PRKG1: variants seen among roughly 807,000 people sequenced by gnomAD.
The protein encoded by PRKG1 is cGMP-dependent protein kinase 1.
Under a neutral mutation model 88.1 loss-of-function variants are expected in PRKG1, and 35 were observed. That is an observed-to-expected ratio of 0.40 (90% CI 0.30 to 0.53). PRKG1 has a LOEUF of 0.53. Among genes scored for constraint, PRKG1 ranks in the 20% least tolerant of loss-of-function variants. The pLI is 0.59. For synonymous variants in PRKG1, 303 were observed against 292.5 expected, an observed-to-expected ratio of 1.04 and a Z score of -0.37; for missense variants, 540 against 839.8, an observed-to-expected ratio of 0.64 and a Z score of 4.41.
rs531783952 is a variant in PRKG1, at chr10:51,055,127, C to T, written c.266+63483C>T. Among the ~76,000 whole-genome samples the T allele has an allele frequency of 3.8e-4, 58 of 152,194 alleles. No homozygotes were observed. The South Asian group carries it at 0.012, about 30-fold the overall frequency. On this transcript the variant is annotated intron_variant, in intron 1 of 17. Coordinates refer to the PRKG1 transcript ENST00000401604. ...CATGAGTGGGATGCTTTATTGGCTA[C>T]TTTGTCTGATTTAGAAGGATCTCAG...
intron 2 of PRKG1, among the ~76,000 whole-genome samples, chr10:51,397,175 G>A (rs913460572): frequency 6.9e-6 from 1 of 144,966 alleles, no homozygotes; most frequent in Non-Finnish European, 1.5e-5. Context: ...CTCTGGGTGA[G>A]TGCTTCACTT....
intron 1 of PRKG1, among the ~76,000 whole-genome samples, chr10:51,002,095 T>C (rs971134451): frequency 1.1e-4 from 16 of 151,816 alleles, no homozygotes; most frequent in African/African-American, 3.4e-4. Context: ...CTCTGGGAAA[T>C]TCCTAAAACC....
chr10:51,423,020 C>G lies in PRKG1; in HGVS notation c.479-44703C>G, dbSNP rs1417758462. 2.0e-5 allele frequency among the ~76,000 whole-genome samples: 3 copies of G among 151,380 alleles called. No homozygotes were observed. In the East Asian group the frequency reaches 5.8e-4, roughly 29 times the overall value. ...GCTAACCCTAAAAACACCAATGTAC[C>G]GGTTCCTTACTTATAGAAGCCAAAT... On this transcript the variant is annotated intron_variant, in intron 2 of 17. Transcript: ENST00000373980.
At chr10:52,247,190 T>C (rs947546488) in intron 9 of PRKG1, among the ~76,000 whole-genome samples, 17 of 152,138 alleles carry the variant, frequency 1.1e-4, no homozygotes, top group Non-Finnish European at 2.4e-4. Flanking sequence ...AATAATTTTT[T>C]TAAAAAATCA....
At chr10:51,702,044 C>G (rs1372598151) in intron 3 of PRKG1, among the ~76,000 whole-genome samples, 2 of 152,166 alleles carry the variant, frequency 1.3e-5, no homozygotes, top group Non-Finnish European at 2.9e-5. Flanking sequence ...ATTTGGTACA[C>G]TCTATTAAAA....
intron 2 of PRKG1, among the ~76,000 whole-genome samples, chr10:51,288,522 A>G (rs988526704): frequency 6.6e-6 from 1 of 152,208 alleles, no homozygotes; most frequent in African/African-American, 2.4e-5. Context: ...TTATGGACCC[A>G]CAGTCATCAA....
At chr10:51,707,183 C>T (rs1391551806) in intron 3 of PRKG1, among the ~76,000 whole-genome samples, 3 of 152,150 alleles carry the variant, frequency 2.0e-5, no homozygotes, top group African/African-American at 7.2e-5. Flanking sequence ...TCTTGGTGCA[C>T]ATTAGGTTCT....
intron 5 of PRKG1, among the ~76,000 whole-genome samples, chr10:51,965,015 G>A (rs1211891967): frequency 1.3e-5 from 2 of 152,092 alleles, no homozygotes; most frequent in African/African-American, 4.8e-5. Flanking sequence ...CATGAATATA[G>A]GCATTGAAAT....
chr10:51,345,466 G>C (rs1299999009), intron 2 of PRKG1, among the ~76,000 whole-genome samples: 2 of 151,986 alleles, frequency 1.3e-5, no homozygotes, highest in South Asian at 2.1e-4. Flanking sequence ...TCCCAGACTA[G>C]AGCAAAACCA....
chr10:51,914,933 A>T (rs1457665284), intron 5 of PRKG1, among the ~76,000 whole-genome samples: 2 of 152,228 alleles, frequency 1.3e-5, no homozygotes, highest in Non-Finnish European at 2.9e-5. Context: ...ATAGGCAAAG[A>T]GAGAAAACAT....
chr10:51,345,728 C>A (rs1842099195), intron 2 of PRKG1, among the ~76,000 whole-genome samples: 1 of 152,068 alleles, frequency 6.6e-6, no homozygotes, highest in Non-Finnish European at 1.5e-5. Context: ...TTTATTTGTT[C>A]ATTTTTCATT....
rs544664656 is a variant in PRKG1, at chr10:52,006,291, G to A, written c.763-48193G>A. Reference sequence around the variant, plus strand: ...GGTTCTCAACAAGGCTGAAATGGCCGAAGTGACAGAAATAGAATACAGAAT... The same window carrying A: ...GGTTCTCAACAAGGCTGAAATGGCCAAAGTGACAGAAATAGAATACAGAAT... On this transcript the variant is annotated intron_variant, in intron 5 of 17. Transcript: ENST00000373980. 9.2e-5 allele frequency among the ~76,000 whole-genome samples: 14 copies of A among 152,212 alleles called. No individual in the cohort carries two copies. The South Asian group carries it at 1.0e-3, about 11-fold the overall frequency.
At chr10:51,676,999 C>T (rs1449779241) in intron 3 of PRKG1, among the ~76,000 whole-genome samples, 1 of 152,134 alleles carries the variant, frequency 6.6e-6, no homozygotes, top group East Asian at 1.9e-4. Context: ...AAGTCCCACC[C>T]ATTTCAAGCC....
intron 3 of PRKG1, among the ~76,000 whole-genome samples, chr10:51,723,389 A>G (rs776647498): frequency 2.0e-5 from 3 of 152,302 alleles, no homozygotes; most frequent in Middle Eastern, 3.4e-3. Context: ...ACCAAACACC[A>G]CATGTTCTCA....
intron 3 of PRKG1, among the ~76,000 whole-genome samples, chr10:51,577,117 T>C (rs1056983557): frequency 6.6e-6 from 1 of 152,050 alleles, no homozygotes; most frequent in Admixed American, 6.6e-5. Context: ...TGGATTCATA[T>C]TGCTGTGAAA....
intron 3 of PRKG1, among the ~76,000 whole-genome samples, chr10:51,778,298 C>T (rs1045574762): frequency 8.5e-5 from 13 of 152,062 alleles, no homozygotes; most frequent in East Asian, 3.9e-4. Flanking sequence ...GTTCTGAGAA[C>T]GTAGAAATGT....
At chr10:52,269,305 A>C (rs1841657452) in intron 10 of PRKG1, among the ~76,000 whole-genome samples, 1 of 151,940 alleles carries the variant, frequency 6.6e-6, no homozygotes, top group African/African-American at 2.4e-5. Flanking sequence ...TTGGTGTTTT[A>C]TTTTGAGTTA....
intron 2 of PRKG1, among the ~76,000 whole-genome samples, chr10:51,211,205 C>T (rs371005376): frequency 3.9e-5 from 6 of 151,902 alleles, no homozygotes; most frequent in African/African-American, 9.7e-5. Flanking sequence ...ACAGAACCAA[C>T]GACAAAAACC....
intron 3 of PRKG1, among the ~76,000 whole-genome samples, chr10:51,718,579 GAATA>G (rs1841939876): frequency 2.0e-5 from 3 of 152,088 alleles, no homozygotes; most frequent in South Asian, 2.1e-4. Context: ...GCATGTTATA[GAATA>G]AATATTCATG....
Sources: allele counts gnomAD v4.1 joint callset (sites outside exome capture counted in the v4.1 genomes callset), GRCh38; gene constraint gnomAD v4.1.1; transcripts MANE v1.5; gene names NCBI Gene and HGNC (gene_info 2026-07-23, HGNC 2026-07-21).